KCNQ5: variants seen among roughly 807,000 people sequenced by gnomAD.
KCNQ5 encodes potassium voltage-gated channel subfamily Q member 5.
A neutral mutation model predicts 98.2 loss-of-function variants in KCNQ5; 30 were observed. The observed-to-expected ratio is 0.31, with a 90% CI of 0.23 to 0.41. The LOEUF is 0.41. Among genes scored for constraint, KCNQ5 ranks in the 10% least tolerant of loss-of-function variants. The pLI is 1.00. For missense variants in KCNQ5, 835 were observed against 1,182.5 expected, an observed-to-expected ratio of 0.71 and a Z score of 4.31; for synonymous variants, 458 against 449.4, an observed-to-expected ratio of 1.02 and a Z score of -0.24.
At chr6:72,849,023 T>C (rs961174478) in intron 1 of KCNQ5, among the ~76,000 whole-genome samples, 18 of 152,106 alleles carry the variant, frequency 1.2e-4, no homozygotes, top group African/African-American at 4.3e-4. Flanking sequence ...GACTTTCTGT[T>C]TCTGAGTTGC....
intron 6 of KCNQ5, among the ~76,000 whole-genome samples, chr6:73,105,771 C>G (rs1165228610): frequency 6.6e-6 from 1 of 152,036 alleles, no homozygotes; most frequent in Non-Finnish European, 1.5e-5. Flanking sequence ...CTCTTCAGAT[C>G]CATTTGAGTG....
At chr6:72,944,795 G>A (rs539208578) in intron 1 of KCNQ5, among the ~76,000 whole-genome samples, 235 of 152,250 alleles carry the variant, frequency 1.5e-3, no homozygotes, top group Non-Finnish European at 2.6e-3. Flanking sequence ...CAGGATCTCT[G>A]AGAACTGTAT....
chr6:72,828,703 C>A (rs999173478), intron 1 of KCNQ5, among the ~76,000 whole-genome samples: 1 of 152,026 alleles, frequency 6.6e-6, no homozygotes, highest in Non-Finnish European at 1.5e-5. Flanking sequence ...TAAAAAAAAT[C>A]TTTGTACTAC....
At chr6:72,817,637 TA>T in intron 1 of KCNQ5, among the ~76,000 whole-genome samples, 1 of 152,288 alleles carries the variant, frequency 6.6e-6, no homozygotes, top group Admixed American at 6.5e-5. Context: ...CTCATGCCTG[TA>T]ATCCCAGCAC....
intron 1 of KCNQ5, among the ~76,000 whole-genome samples, chr6:72,852,975 A>G (rs1777346309): frequency 6.6e-6 from 1 of 152,036 alleles, no homozygotes; most frequent in African/African-American, 2.4e-5. Context: ...TAAAGCTTAC[A>G]ATAGCAGAAG....
intron 1 of KCNQ5, among the ~76,000 whole-genome samples, chr6:72,996,403 T>C (rs1769300537): frequency 6.6e-6 from 1 of 152,176 alleles, no homozygotes; most frequent in Non-Finnish European, 1.5e-5. Flanking sequence ...TGAGAGAAAT[T>C]TCTCACAGGA....
intron 1 of KCNQ5, among the ~76,000 whole-genome samples, chr6:72,843,144 T>A (rs887882639): frequency 1.3e-5 from 2 of 152,328 alleles, no homozygotes; most frequent in Admixed American, 6.5e-5. Context: ...TAATCCATCT[T>A]GAGTTAATTT....
chr6:73,076,371 G>A (rs528016365), intron 3 of KCNQ5, among the ~76,000 whole-genome samples: 2 of 152,306 alleles, frequency 1.3e-5, no homozygotes, highest in Admixed American at 6.5e-5. Flanking sequence ...ATTTGAGGAT[G>A]TTAAAGTCAA....
intron 9 of KCNQ5, among the ~76,000 whole-genome samples, chr6:73,128,566 C>T (rs1206065251): frequency 3.3e-5 from 5 of 152,132 alleles, no homozygotes; most frequent in Admixed American, 3.3e-4. Flanking sequence ...GAAGGCTTTT[C>T]CTTCTATCTA....
At chr6:72,980,309 G>A (rs991022908) in intron 1 of KCNQ5, among the ~76,000 whole-genome samples, 3 of 152,150 alleles carry the variant, frequency 2.0e-5, no homozygotes, top group South Asian at 2.1e-4. Context: ...CTATCCATGA[G>A]CATGGAATGT....
chr6:73,003,766 A>G (rs987390316), intron 1 of KCNQ5, 142 bp from the exon 2 acceptor site: 9 of 595,296 alleles, frequency 1.5e-5, no homozygotes, highest in Middle Eastern at 7.6e-4. Flanking sequence ...AATATCCAAA[A>G]TGGCTAGTCC....
At chr6:72,809,467 G>T (rs1490797153) in intron 1 of KCNQ5, among the ~76,000 whole-genome samples, 1 of 152,028 alleles carries the variant, frequency 6.6e-6, no homozygotes, top group Non-Finnish European at 1.5e-5. Context: ...CAGGGGAATT[G>T]CTTGAACCAG....
chr6:73,097,844 A>T (rs1434262366), intron 5 of KCNQ5, among the ~76,000 whole-genome samples: 1 of 152,232 alleles, frequency 6.6e-6, no homozygotes, highest in Non-Finnish European at 1.5e-5. Flanking sequence ...GCCTGCAGTG[A>T]CCAAAAACTT....
At chr6:73,015,707 T>C (rs1480876773) in intron 2 of KCNQ5, among the ~76,000 whole-genome samples, 1 of 152,040 alleles carries the variant, frequency 6.6e-6, no homozygotes, top group Non-Finnish European at 1.5e-5. Context: ...TTCACAAAAG[T>C]ATATCTGATG....
At chr6:72,826,521 T>C (rs1002438114) in intron 1 of KCNQ5, among the ~76,000 whole-genome samples, 2 of 152,132 alleles carry the variant, frequency 1.3e-5, no homozygotes, top group African/African-American at 2.4e-5. Flanking sequence ...CATGCTTATG[T>C]TTAATGTCTC....
chr6:72,728,049 A>G (rs1487257425), intron 1 of KCNQ5, among the ~76,000 whole-genome samples: 1 of 152,098 alleles, frequency 6.6e-6, no homozygotes, highest in Non-Finnish European at 1.5e-5. Context: ...CTAACATACT[A>G]CTTGTCAGCA....
chr6:72,716,401 C>A (rs1276359810), intron 1 of KCNQ5, among the ~76,000 whole-genome samples: 3 of 152,156 alleles, frequency 2.0e-5, no homozygotes, highest in African/African-American at 4.8e-5. Flanking sequence ...TGAAAAAATT[C>A]TTAGCATCAA....
intron 1 of KCNQ5, among the ~76,000 whole-genome samples, chr6:72,632,734 T>C (rs1028330090): frequency 1.3e-5 from 2 of 152,214 alleles, no homozygotes; most frequent in Non-Finnish European, 2.9e-5. Context: ...TCCAGCTACA[T>C]CCATGTTGCG....
rs545934637 is a variant in KCNQ5 at position 73,008,221 on chromosome 6, A to G, written c.489+4223A>G. ...AGAGACAAAAAAAGCTATGAAGTATATGTAAAACAAAGAGCAAAATGATGA... is the reference window on the plus strand; with the variant it reads ...AGAGACAAAAAAAGCTATGAAGTATGTGTAAAACAAAGAGCAAAATGATGA... On this transcript the variant is annotated intron_variant, in intron 2 of 13. Transcript: ENST00000370398. 3.9e-5 allele frequency among the ~76,000 whole-genome samples: 6 copies of G among 152,260 alleles called. No individual in the cohort carries two copies. In the South Asian group the frequency reaches 1.2e-3, roughly 32 times the overall value.
Sources: allele counts gnomAD v4.1 joint callset (sites outside exome capture counted in the v4.1 genomes callset), GRCh38; gene constraint gnomAD v4.1.1; transcripts MANE v1.5; gene names NCBI Gene and HGNC (gene_info 2026-07-23, HGNC 2026-07-21).